Variants in SAG observed in about 807,000 individuals in gnomAD.
The protein encoded by SAG is S-arrestin.
Under a neutral mutation model 55.0 loss-of-function variants are expected in SAG, and 45 were observed. That is an observed-to-expected ratio of 0.82 (90% CI 0.64 to 1.05). The LOEUF (loss-of-function observed/expected upper bound fraction) is 1.05. SAG is among the 50% of genes least tolerant of loss of function. SAG has a pLI of 0.00. For synonymous variants in SAG, 189 were observed against 197.4 expected, an observed-to-expected ratio of 0.96 and a Z score of 0.36; for missense variants, 455 against 512.1, an observed-to-expected ratio of 0.89 and a Z score of 1.08.
At chr2:233,330,972 G>A (rs1177048971) in intron 9 of SAG, among the ~76,000 whole-genome samples, 2 of 152,086 alleles carry the variant, frequency 1.3e-5, no homozygotes, top group African/African-American at 2.4e-5. Context: ...AGTACTTTGG[G>A]AGGCCAAGGT....
chr2:233,319,468 G>A lies in SAG; in HGVS notation c.181+673G>A, dbSNP rs1470350098. The stretch of plus-strand genomic sequence containing the variant: ...AGATTCCAGCTATCCTTGTGATAAT[G>A]TCACTGACTCAGTTCCATTCTAAAT... On this transcript the variant is annotated intron_variant, in intron 4 of 15. Coordinates refer to ENST00000409110, the MANE Select transcript of SAG (RefSeq NM_000541.5). The surrounding 1 kb of genome is among the most constrained non-coding windows in gnomAD (Gnocchi z 4.4). 1 of 505,440 alleles carries A rather than the reference G, an allele frequency of 2.0e-6. No homozygotes were observed. The highest frequency in any genetic ancestry group is 5.4e-5 in the Admixed American group (1 of 18,358). The allele number at this position is 505,440 out of a possible 1,614,324, so 31.3% of individuals were successfully genotyped here.
chr2:233,325,931 A>AT (rs1315987496), intron 6 of SAG, among the ~76,000 whole-genome samples: 1 of 152,016 alleles, frequency 6.6e-6, no homozygotes, highest in Non-Finnish European at 1.5e-5. Flanking sequence ...ATGCATATTT[A>AT]TTTTCCACTT....
chr2:233,315,706 CTT>C (rs59411344), intron 2 of SAG, among the ~76,000 whole-genome samples: 11 of 139,098 alleles, frequency 7.9e-5, no homozygotes, highest in Non-Finnish European at 6.3e-5. Flanking sequence ...TTCTTTCTTT[CTT>C]TTTTTTTTTT....
rs1048915863 is a variant in SAG at position 233,328,266 on chromosome 2, C to T, written c.513-212C>T. On this transcript the variant is annotated intron_variant, in intron 7 of 15. Coordinates refer to ENST00000409110, the MANE Select transcript of SAG (RefSeq NM_000541.5). Reference sequence around the variant, plus strand: ...TGTTGCCTGGCCCCACAGCTTCCCCCACAGGGAAGGGACCAGGACCCAGAC... The same window carrying T: ...TGTTGCCTGGCCCCACAGCTTCCCCTACAGGGAAGGGACCAGGACCCAGAC... 15 of 482,814 alleles carry T rather than the reference C, an allele frequency of 3.1e-5. No individual in the cohort carries two copies. In the East Asian group the frequency reaches 4.0e-4, roughly 13 times the overall value. 29.9% of individuals were successfully genotyped at this position (482,814 alleles called of 1,614,324 possible). A position where few individuals can be genotyped will look rare whatever the true frequency, so the allele number is the denominator to read the frequency against.
Position 233,335,231 on chromosome 2 carries a change from T to C in SAG, c.944+132T>C, listed in dbSNP as rs548367252. 7.4e-5 allele frequency: 90 copies of C among 1,208,476 alleles called. 1 individual carries two copies. The African/African-American group carries it at 1.0e-3, about 14-fold the overall frequency. 74.9% of individuals were successfully genotyped at this position (1,208,476 alleles called of 1,614,324 possible). A position where few individuals can be genotyped will look rare whatever the true frequency, so the allele number is the denominator to read the frequency against. On this transcript the variant is annotated intron_variant, in intron 11 of 15. Transcript: ENST00000409110. ...GTGGTCTGGCGTGTGTAGTGTGGAG[T>C]GCATATCTACGGGCCCACACAAGGA...
At position 233,316,117 on chromosome 2, in the gene SAG, A is replaced by G; in HGVS notation, c.118A>G (p.Ser40Gly). Residue 40 changes from serine to glycine, a missense_variant, in exon 3 of 16, where the codon AGC becomes GGC. By Grantham distance (56) the Ser-to-Gly change is moderately conservative (BLOSUM62 0). Transcript: ENST00000409110. ...LGNRDYIDHV[S>G]QVQPVDGVVL... ...GAACAGAGACTACATAGACCATGTCAGCCAAGTCCAGCCTGTGGGTAAGTT... is the reference window on the plus strand; with the variant it reads ...GAACAGAGACTACATAGACCATGTCGGCCAAGTCCAGCCTGTGGGTAAGTT... 6.3e-7 allele frequency: 1 copy of G among 1,594,866 alleles called. No individual in the cohort carries two copies. The highest frequency in any genetic ancestry group is 8.6e-7 in the Non-Finnish European group (1 of 1,167,492).
Position 233,319,924 on chromosome 2 carries a change from C to A in SAG, c.182-706C>A, listed in dbSNP as rs1360785522. Reference sequence around the variant, plus strand: ...GCTACCACGCACTTGGCGGGGCCGCCTCTCGTGCTTTATATTTGAGAAATA... The same window carrying A: ...GCTACCACGCACTTGGCGGGGCCGCATCTCGTGCTTTATATTTGAGAAATA... On this transcript the variant is annotated intron_variant, in intron 4 of 15. Transcript: ENST00000409110. This position sits in a 1 kb window ranked among gnomAD's most constrained non-coding sequence, Gnocchi z 4.4. The A allele has an allele frequency of 4.1e-6, 4 of 985,486 alleles. No homozygotes were observed. Among genetic ancestry groups the A allele is most frequent in the Non-Finnish European group, 2.4e-6 (2 of 829,958 alleles). The allele number at this position is 985,486 out of a possible 1,614,324, so 61.0% of individuals were successfully genotyped here. A position where few individuals can be genotyped will look rare whatever the true frequency, so the allele number is the denominator to read the frequency against.
In SAG at chr2:233,320,965, A is replaced by G. The variant is rs1229224964; in HGVS notation, c.375+142A>G. The G allele has an allele frequency of 3.6e-5, 25 of 686,920 alleles. No individual in the cohort carries two copies. The Admixed American group carries it at 7.8e-4, about 21-fold the overall frequency. 42.6% of individuals were successfully genotyped at this position (686,920 alleles called of 1,614,324 possible). On this transcript the variant is annotated intron_variant, in intron 5 of 15. Transcript: ENST00000409110. ...ACCCTTGAAAGAAATTCTAGATTGC[A>G]TGGTCTGTGATTGTCTTTTTTTAAG...
intron 3 of SAG, 64 bp from the exon 4 acceptor site, chr2:233,318,687 A>T: frequency 7.3e-7 from 1 of 1,366,708 alleles, no homozygotes; most frequent in Non-Finnish European, 1.0e-6. Flanking sequence ...CGCAGTTTTT[A>T]AAGTAGGTGT....
In SAG at chr2:233,329,525, C is replaced by T. The variant is rs369174962; in HGVS notation, c.681C>T (p.Thr227=). The change falls in exon 9 of 16, where the codon ACC becomes ACT. Residue 227 remains threonine, a synonymous_variant. Coordinates refer to ENST00000409110, the MANE Select transcript of SAG (RefSeq NM_000541.5). The stretch of plus-strand genomic sequence containing the variant: ...TCCATGGGGAGCCCATCCCTGTGAC[C>T]GTGACTGTCACCAATAACACAGAGA... ...IYFHGEPIPV[T]VTVTNNTEKT... 2.9e-4 allele frequency: 471 copies of T among 1,613,292 alleles called. 2 individuals carry two copies. In the South Asian group the frequency reaches 3.4e-3, roughly 11 times the overall value.
chr2:233,343,363 G>A (rs977617310), intron 14 of SAG: 10 of 180,424 alleles, frequency 5.5e-5, no homozygotes, highest in South Asian at 8.6e-5. Context: ...GATTACAGGC[G>A]TGAGTCACGG....
Position 233,328,473 on chromosome 2 carries a change from C to T in SAG, c.513-5C>T. 2 of 1,611,270 alleles carry T rather than the reference C, an allele frequency of 1.2e-6. No homozygotes were observed. The highest frequency in any genetic ancestry group is 1.7e-6 in the Non-Finnish European group (2 of 1,177,800). On this transcript the variant is annotated splice_region_variant and splice_polypyrimidine_tract_variant and intron_variant, in intron 7 of 15. Transcript: ENST00000409110. Reference sequence around the variant, plus strand: ...CCCTGGCTTGTCTGTGGCTGTTTCCCACAGGAGCTCCGTGCGATTACTGAT... The same window carrying T: ...CCCTGGCTTGTCTGTGGCTGTTTCCTACAGGAGCTCCGTGCGATTACTGAT...
chr2:233,320,549 C>T (rs1200395132), intron 4 of SAG, 81 bp from the exon 5 acceptor site: 25 of 1,133,794 alleles, frequency 2.2e-5, no homozygotes, highest in Non-Finnish European at 2.6e-5. Flanking sequence ...GTTGAAAACC[C>T]GTGTTCGCTG....
chr2:233,335,109 C>G lies in SAG; in HGVS notation c.944+10C>G. On this transcript the variant is annotated intron_variant, in intron 11 of 15. Coordinates refer to ENST00000409110, the MANE Select transcript of SAG (RefSeq NM_000541.5). ...TTGCCTCCAGCACCATGTGAGTCCT[C>G]GAGGCTCAGGGAATAAGCCCTGGCA... is the stretch of plus-strand genomic sequence containing the variant. The G allele has an allele frequency of 1.9e-6, 3 of 1,606,064 alleles. No homozygotes were observed. The highest frequency in any genetic ancestry group is 1.1e-5 in the South Asian group (1 of 90,848).
At chr2:233,337,603 G>C (rs965098917) in intron 11 of SAG, among the ~76,000 whole-genome samples, 2 of 152,168 alleles carry the variant, frequency 1.3e-5, no homozygotes, top group African/African-American at 4.8e-5. Context: ...GGGGAGCACT[G>C]TGGTCCTGGA....
At position 233,340,434 on chromosome 2, in the gene SAG, G is replaced by C. The variant is rs552438770; in HGVS notation, c.1023-21G>C. ...TTACCACTGTGACAGTTAACGACAG[G>C]CGTTTGTTTGTGTTTTCTAGCTTTC... On this transcript the variant is annotated intron_variant, in intron 12 of 15. Coordinates refer to ENST00000409110, the MANE Select transcript of SAG (RefSeq NM_000541.5). The surrounding 1 kb of genome is among the most constrained non-coding windows in gnomAD (Gnocchi z 4.2). The C allele has an allele frequency of 6.2e-7, 1 of 1,608,862 alleles. No individual in the cohort carries two copies. The highest frequency in any genetic ancestry group is 8.5e-7 in the Non-Finnish European group (1 of 1,176,904).
At chr2:233,334,798 C>G (rs757458221) in intron 10 of SAG, 164 bp from the exon 11 acceptor site, 178 of 707,632 alleles carry the variant, frequency 2.5e-4, no homozygotes, top group Non-Finnish European at 3.7e-4. Context: ...TTCACAAGCA[C>G]TGTTCTGCTT....
At chr2:233,346,762 T>C (rs759714976) in intron 15 of SAG, 45 bp from the exon 16 acceptor site, 1 of 1,270,444 alleles carries the variant, frequency 7.9e-7, no homozygotes, top group Non-Finnish European at 1.1e-6. Flanking sequence ...CAGTTTCAGC[T>C]TCAAAGGGCG....
intron 6 of SAG, among the ~76,000 whole-genome samples, chr2:233,325,901 C>G (rs900664918): frequency 4.6e-5 from 7 of 152,114 alleles, no homozygotes; most frequent in Admixed American, 1.3e-4. Flanking sequence ...TCAACAACGG[C>G]CGGCTGATGG....
Sources: gnomAD v4.1 joint callset for allele counts (sites outside exome capture counted in the v4.1 genomes callset) on GRCh38, gnomAD v4.1.1 for gene constraint, Gnocchi (gnomAD v3.1) non-coding constraint, MANE v1.5 for transcripts, NCBI Gene and HGNC (gene_info 2026-07-23, HGNC 2026-07-21) for gene names.